The following SHANK1 variants were observed in gnomAD, a reference collection of about 807,000 sequenced individuals.
The protein encoded by SHANK1 is SH3 and multiple ankyrin repeat domains 1.
In SHANK1, 35 loss-of-function variants were observed where a neutral mutation model predicts 165.6. That is an observed-to-expected ratio of 0.21 (90% confidence interval 0.16 to 0.28). SHANK1 has a LOEUF of 0.28. Among genes scored for constraint, SHANK1 ranks in the 10% least tolerant of loss-of-function variants. The probability of loss-of-function intolerance (pLI) is 1.00; values close to 1 mark genes in which losing one functional copy is unlikely to be tolerated. For synonymous variants in SHANK1, 1,428 were observed against 1,384.8 expected, an observed-to-expected ratio of 1.03 and a Z score of -0.69; for missense variants, 2,681 against 3,036.4, an observed-to-expected ratio of 0.88 and a Z score of 2.75.
intron 9 of SHANK1, 101 bp downstream of exon 9, chr19:50,704,336 T>A (rs2088911664): frequency 7.5e-7 from 1 of 1,340,792 alleles, no homozygotes; most frequent in Non-Finnish European, 1.1e-6. Context: ...CCACGGCCTG[T>A]CTCCTTGCTT....
chr19:50,715,835 G>T, intron 3 of SHANK1, 105 bp from the exon 4 acceptor site: 1 of 1,118,066 alleles, frequency 8.9e-7, no homozygotes. Flanking sequence ...CTAATTCCCC[G>T]GGGTAGCTCA....
intron 8 of SHANK1, chr19:50,711,134 C>A: frequency 1.9e-6 from 1 of 526,196 alleles, no homozygotes; most frequent in Non-Finnish European, 3.4e-6. Context: ...CACTTTGTCC[C>A]CAGCACCCAG....
chr19:50,716,144 C>T lies in SHANK1; in HGVS notation c.459+131G>A. On this transcript the variant is annotated intron_variant, in intron 3 of 23. Transcript: ENST00000293441. The surrounding 1 kb of genome is among the most constrained non-coding windows in gnomAD (Gnocchi z 8.4). ...AGGACTCTCTGACTTCCCTGTGATGCTTAGAAGGTCTGGACTCGCACACTG... is the reference window on the plus strand; with the variant it reads ...AGGACTCTCTGACTTCCCTGTGATGTTTAGAAGGTCTGGACTCGCACACTG... 1.2e-6 allele frequency: 1 copy of T among 821,744 alleles called. No homozygotes were observed. Among genetic ancestry groups the T allele is most frequent in the Non-Finnish European group, 2.0e-6 (1 of 490,686 alleles). 50.9% of individuals were successfully genotyped at this position (821,744 alleles called of 1,614,324 possible). A position where few individuals can be genotyped will look rare whatever the true frequency, so the allele number is the denominator to read the frequency against.
chr19:50,694,680 A>G (rs1178954112), intron 15 of SHANK1, among the ~76,000 whole-genome samples: 1 of 145,094 alleles, frequency 6.9e-6, no homozygotes, highest in African/African-American at 2.6e-5. Context: ...AGGGTCGGGG[A>G]GAGGATTCCA....
rs1246009543 is a variant in SHANK1 at position 50,702,738 on chromosome 19, G to T, written c.1554-78C>A. On this transcript the variant is annotated intron_variant, in intron 11 of 23. Coordinates refer to ENST00000293441, the MANE Select transcript of SHANK1 (RefSeq NM_016148.5). The surrounding 1 kb of genome is among the most constrained non-coding windows in gnomAD (Gnocchi z 5.3). ...CTGGGAGGACAGGGGTCCTTGGGTG[G>T]GGGAAGAGGACGGTGCATCAGGGGG... The T allele has an allele frequency of 2.1e-6, 2 of 936,222 alleles. No individual in the cohort carries two copies. Among genetic ancestry groups the T allele is most frequent in the Non-Finnish European group, 3.1e-6 (2 of 639,576 alleles). 58.0% of individuals were successfully genotyped at this position (936,222 alleles called of 1,614,324 possible).
rs1455550518 is a variant in SHANK1, at chr19:50,686,438, G to A, written c.2459-83C>T. The A allele has an allele frequency of 8.9e-6, 9 of 1,008,670 alleles. No individual in the cohort carries two copies. Among genetic ancestry groups the A allele is most frequent in the South Asian group, 1.6e-5 (1 of 63,864 alleles). 62.5% of individuals were successfully genotyped at this position (1,008,670 alleles called of 1,614,324 possible). A position where few individuals can be genotyped will look rare whatever the true frequency, so the allele number is the denominator to read the frequency against. On this transcript the variant is annotated intron_variant, in intron 20 of 23. Coordinates refer to ENST00000293441, the MANE Select transcript of SHANK1 (RefSeq NM_016148.5). This position sits in a 1 kb window ranked among gnomAD's most constrained non-coding sequence, Gnocchi z 5.7. ...CCGGGCCGCAAAGACCAGAGCTGCC[G>A]CCCGCAGTTCATCCAGCACCTGGAT...
rs1214691075 is a variant in SHANK1 at position 50,713,094 on chromosome 19, G to A, written c.792+704C>T. On this transcript the variant is annotated intron_variant, in intron 6 of 23. Coordinates refer to ENST00000293441, the MANE Select transcript of SHANK1 (RefSeq NM_016148.5). The surrounding 1 kb of genome is among the most constrained non-coding windows in gnomAD (Gnocchi z 6.2). ...GGGGCTCTTCAGGAAAGCATCTGAG[G>A]GAGAGAAGGGAGGGGCCGTTTAGCT... Among the ~76,000 whole-genome samples, 1 of 152,120 alleles carries A rather than the reference G, an allele frequency of 6.6e-6. No homozygotes were observed. The highest frequency in any genetic ancestry group is 2.4e-5 in the African/African-American group (1 of 41,410).
chr19:50,715,884 C>T (rs1487333985), intron 3 of SHANK1, among the ~76,000 whole-genome samples, 154 bp from the exon 4 acceptor site: 3 of 151,992 alleles, frequency 2.0e-5, no homozygotes, highest in Non-Finnish European at 4.4e-5. Context: ...TTGGTCTAGG[C>T]GGTAGATGGG....
At chr19:50,687,832 A>T (rs978746101) in intron 18 of SHANK1, 91 bp downstream of exon 18, 2 of 1,530,278 alleles carry the variant, frequency 1.3e-6, no homozygotes, top group African/African-American at 2.7e-5. Flanking sequence ...TAGGGAAGGG[A>T]AGGCCTTGGG....
intron 11 of SHANK1, among the ~76,000 whole-genome samples, chr19:50,703,041 C>T (rs947728565): frequency 7.2e-5 from 11 of 152,286 alleles, no homozygotes; most frequent in South Asian, 4.1e-4. Context: ...CCCACTTCCT[C>T]GGGACACGCC....
chr19:50,715,283 T>C (rs1346868074), intron 4 of SHANK1, among the ~76,000 whole-genome samples: 2 of 151,936 alleles, frequency 1.3e-5, no homozygotes, highest in Non-Finnish European at 2.9e-5. Flanking sequence ...AAATAGACTC[T>C]AGGCAGAAGG....
chr19:50,673,390 CCTT>C (rs1299229888), intron 21 of SHANK1, among the ~76,000 whole-genome samples: 1 of 152,150 alleles, frequency 6.6e-6, no homozygotes, highest in African/African-American at 2.4e-5. Context: ...CCCACCTCTT[CCTT>C]CTCCTCTGTC....
intron 23 of SHANK1, among the ~76,000 whole-genome samples, chr19:50,665,902 A>ACATGCCTGTAATCCCAGCTACT (rs1555739474): frequency 2.4e-4 from 32 of 135,644 alleles, no homozygotes; most frequent in Non-Finnish European, 3.6e-4. Context: ...GTGTGGTGGC[A>ACATGCCTGTAATCCCAGCTACT]TGGGAGGCTG....
intron 15 of SHANK1, among the ~76,000 whole-genome samples, chr19:50,695,459 G>C (rs1599860726): frequency 6.6e-6 from 1 of 151,186 alleles, no homozygotes; most frequent in East Asian, 2.0e-4. Context: ...GGCGGGAGAA[G>C]GGGGAGGGGC....
chr19:50,687,188 C>A (rs1599854436), intron 19 of SHANK1: 1 of 509,432 alleles, frequency 2.0e-6, no homozygotes, highest in South Asian at 3.7e-5. Context: ...GGAAATGGGA[C>A]CCCCAGGTCC....
chr19:50,686,968 G>C lies in SHANK1; in HGVS notation c.2390-156C>G, dbSNP rs113050808. On this transcript the variant is annotated intron_variant, in intron 19 of 23. Coordinates refer to ENST00000293441, the MANE Select transcript of SHANK1 (RefSeq NM_016148.5). This position sits in a 1 kb window ranked among gnomAD's most constrained non-coding sequence, Gnocchi z 5.7. ...GGGGTCAGGGAGGGGCGAGTCCGCC[G>C]GCGGGGTCGGGAGACGGGGGCCCTC... is the stretch of plus-strand genomic sequence containing the variant. The C allele has an allele frequency of 3.0e-5, 42 of 1,384,530 alleles. No homozygotes were observed. The South Asian group carries it at 5.9e-4, about 20-fold the overall frequency. 85.8% of individuals were successfully genotyped at this position (1,384,530 alleles called of 1,614,324 possible). A position where few individuals can be genotyped will look rare whatever the true frequency, so the allele number is the denominator to read the frequency against.
chr19:50,665,902 A>ATGCCTGTAATACCAGCTACT (rs775149350), intron 23 of SHANK1, among the ~76,000 whole-genome samples: 1 of 135,648 alleles, frequency 7.4e-6, no homozygotes, highest in Admixed American at 7.1e-5. Context: ...GTGTGGTGGC[A>ATGCCTGTAATACCAGCTACT]TGGGAGGCTG....
rs1985145538 is a variant in SHANK1, at chr19:50,660,212, C to CCGGGAATAAGCGGAGAGAGGAAG, written c.*1730_*1752dup. Among the ~76,000 whole-genome samples the CCGGGAATAAGCGGAGAGAGGAAG allele has an allele frequency of 1.2e-5, 1 of 83,166 alleles. No homozygotes were observed. Among genetic ancestry groups the CCGGGAATAAGCGGAGAGAGGAAG allele is most frequent in the Non-Finnish European group, 3.6e-5 (1 of 28,040 alleles). 54.6% of individuals were successfully genotyped at this position (83,166 alleles called of 152,430 possible). On this transcript the variant is annotated 3_prime_UTR_variant, in exon 24 of 24. Coordinates refer to ENST00000293441, the MANE Select transcript of SHANK1 (RefSeq NM_016148.5). ...AGGGGTGGCTTAACATTCCCAAGCC[C>CCGGGAATAAGCGGAGAGAGGAAG]CGGGAATAAGCGGAGAGAGGAAGCG...
intron 21 of SHANK1, among the ~76,000 whole-genome samples, chr19:50,685,849 T>G (rs1986315233): frequency 6.6e-6 from 1 of 152,140 alleles, no homozygotes; most frequent in African/African-American, 2.4e-5. Context: ...GCAACAGACA[T>G]GACCATTCAT....
Sources: allele counts gnomAD v4.1 joint callset (sites outside exome capture counted in the v4.1 genomes callset), GRCh38; gene constraint gnomAD v4.1.1; non-coding constraint Gnocchi (gnomAD v3.1); transcripts MANE v1.5; gene names NCBI Gene and HGNC (gene_info 2026-07-23, HGNC 2026-07-21).